PEMT: variants seen among roughly 807,000 people sequenced by gnomAD.
The protein encoded by PEMT is phosphatidylethanolamine N-methyltransferase.
In PEMT, 23 loss-of-function variants were observed where a neutral mutation model predicts 27.4. The observed-to-expected ratio is 0.84, with a 90% CI of 0.60 to 1.19. The LOEUF (loss-of-function observed/expected upper bound fraction) is 1.19, where lower values mean the gene tolerates loss of function less well. Ranked by LOEUF, PEMT falls within the 50% of genes most tolerant of loss-of-function variation. The probability of loss-of-function intolerance (pLI) is 0.00; values close to 1 mark genes in which losing one functional copy is unlikely to be tolerated. For synonymous variants in PEMT, 137 were observed against 139.1 expected, an observed-to-expected ratio of 0.98 and a Z score of 0.11; for missense variants, 307 against 310.1, an observed-to-expected ratio of 0.99 and a Z score of 0.07.
chr17:17,542,573 G>A (rs572087827), intron 2 of PEMT, among the ~76,000 whole-genome samples: 1 of 152,304 alleles, frequency 6.6e-6, no homozygotes, highest in South Asian at 2.1e-4. Flanking sequence ...TTGAGGGCAG[G>A]GCCTTCGTGT....
At chr17:17,581,047 C>T (rs901003293) in intron 1 of PEMT, among the ~76,000 whole-genome samples, 2 of 152,180 alleles carry the variant, frequency 1.3e-5, no homozygotes, top group African/African-American at 4.8e-5. Context: ...GGACACTGAG[C>T]CTGGGGCCAG....
At chr17:17,554,875 C>T (rs373532431) in intron 2 of PEMT, among the ~76,000 whole-genome samples, 101 of 152,234 alleles carry the variant, frequency 6.6e-4, no homozygotes, top group African/African-American at 2.3e-3. Context: ...CTCGGCCTCC[C>T]AAAGTGCTAG....
chr17:17,518,709 T>C (rs1907039913), intron 3 of PEMT, among the ~76,000 whole-genome samples: 2 of 152,106 alleles, frequency 1.3e-5, no homozygotes, highest in Admixed American at 6.6e-5. Context: ...ACCAACCGAC[T>C]CCTGCTGGGT....
chr17:17,531,712 T>C (rs894887180), intron 2 of PEMT, among the ~76,000 whole-genome samples: 1 of 133,684 alleles, frequency 7.5e-6, no homozygotes, highest in African/African-American at 2.7e-5. Flanking sequence ...AATAGAAATA[T>C]AAACCTAAAT....
chr17:17,590,044 C>G (rs1433400280), intron 1 of PEMT, among the ~76,000 whole-genome samples: 1 of 150,020 alleles, frequency 6.7e-6, no homozygotes, highest in African/African-American at 2.5e-5. Context: ...CATTCTGCCC[C>G]CCCTTCTACA....
At chr17:17,522,451 G>T (rs1555538049) in intron 2 of PEMT, 56 bp from the exon 3 acceptor site, 15 of 1,068,354 alleles carry the variant, frequency 1.4e-5, no homozygotes, top group South Asian at 1.3e-4. Context: ...CTCCAGGGTG[G>T]GGGTGGGGAG....
At chr17:17,573,600 T>C (rs12939945) in intron 2 of PEMT, among the ~76,000 whole-genome samples, 67,935 of 151,896 alleles carry the variant, frequency 0.45, 15,750 homozygotes, top group Middle Eastern at 0.52. Context: ...ATGTAAAGTA[T>C]ATGGGAGGGT....
At chr17:17,589,163 T>A (rs541172367) in intron 1 of PEMT, among the ~76,000 whole-genome samples, 1 of 152,210 alleles carries the variant, frequency 6.6e-6, no homozygotes, top group Non-Finnish European at 1.5e-5. Flanking sequence ...GATTTCTCCA[T>A]GTTGGTCAGG....
At position 17,513,982 on chromosome 17, in the gene PEMT, C is replaced by T. The variant is rs547900181; in HGVS notation, c.321-1328G>A. 6.6e-6 allele frequency among the ~76,000 whole-genome samples: 1 copy of T among 152,162 alleles called. No homozygotes were observed. Among genetic ancestry groups the T allele is most frequent in the Non-Finnish European group, 1.5e-5 (1 of 68,020 alleles). On this transcript the variant is annotated intron_variant, in intron 3 of 6. Transcript: ENST00000255389. This position sits in a 1 kb window ranked among gnomAD's most constrained non-coding sequence, Gnocchi z 4.1. ...AGCAGGGCCAGCTTACCATCCACCC[C>T]ACCACCCATCCTTCCTCCATCCATC...
chr17:17,542,107 A>G (rs981191717), intron 2 of PEMT, among the ~76,000 whole-genome samples: 5 of 152,076 alleles, frequency 3.3e-5, no homozygotes, highest in Non-Finnish European at 7.4e-5. Flanking sequence ...CAGCCTCCCA[A>G]GTAGCTGGGA....
chr17:17,550,380 G>A (rs901463283), intron 2 of PEMT, among the ~76,000 whole-genome samples: 5 of 152,202 alleles, frequency 3.3e-5, no homozygotes, highest in African/African-American at 1.2e-4. Flanking sequence ...CTTTGCAGAT[G>A]CACAGCTGGG....
chr17:17,562,466 T>A (rs1250646218), intron 2 of PEMT, among the ~76,000 whole-genome samples: 1 of 152,080 alleles, frequency 6.6e-6, no homozygotes, highest in African/African-American at 2.4e-5. Context: ...ACAGCTGCAC[T>A]CCCTTGATCC....
intron 1 of PEMT, among the ~76,000 whole-genome samples, chr17:17,591,099 T>A (rs973323545): frequency 1.3e-5 from 2 of 152,102 alleles, no homozygotes; most frequent in African/African-American, 4.8e-5. Context: ...CCCAAACATA[T>A]AATCGGCCTC....
chr17:17,556,349 C>T (rs1283750094), intron 2 of PEMT, among the ~76,000 whole-genome samples: 1 of 151,592 alleles, frequency 6.6e-6, no homozygotes, highest in African/African-American at 2.4e-5. Flanking sequence ...GGGAGCCTTC[C>T]TTCCTTCCTT....
chr17:17,510,588 G>A (rs1193253346), intron 4 of PEMT, among the ~76,000 whole-genome samples: 3 of 152,198 alleles, frequency 2.0e-5, no homozygotes, highest in South Asian at 2.1e-4. Context: ...CAGGGTGTGC[G>A]TAGATGGCAC....
Position 17,579,960 on chromosome 17 carries a change from C to T in PEMT, c.97-2933G>A, listed in dbSNP as rs143904201. Among the ~76,000 whole-genome samples, 810 of 152,320 alleles carry T rather than the reference C, an allele frequency of 5.3e-3. 5 individuals are homozygous for T. Among genetic ancestry groups the T allele is most frequent in the Non-Finnish European group, 7.0e-3 (477 of 68,024 alleles). On this transcript the variant is annotated intron_variant, in intron 1 of 6. Transcript: ENST00000255389. ...AGCGCCTGCAGCCAACAAGGCCTGGCGCTCCAGCAGGTGCCTCCCAACGCC... is the reference window on the plus strand; with the variant it reads ...AGCGCCTGCAGCCAACAAGGCCTGGTGCTCCAGCAGGTGCCTCCCAACGCC...
Position 17,518,696 on chromosome 17 carries a change from C to A in PEMT, c.320+3584G>T, listed in dbSNP as rs530236803. 4.6e-5 allele frequency among the ~76,000 whole-genome samples: 7 copies of A among 152,324 alleles called. No homozygotes were observed. The South Asian group carries it at 1.2e-3, about 27-fold the overall frequency. On this transcript the variant is annotated intron_variant, in intron 3 of 6. Transcript: ENST00000255389. ...CTCAAGCACGTGCCTGTGTTCTCTG[C>A]CCACCAACCGACTCCTGCTGGGTGC...
upstream of PEMT, chr17:17,592,050 C>T: frequency 1.0e-6 from 1 of 985,444 alleles, no homozygotes. Flanking sequence ...TCCCGCGCAG[C>T]CTCCTGCGGA....
intron 2 of PEMT, among the ~76,000 whole-genome samples, chr17:17,550,870 G>A (rs192956752): frequency 3.9e-5 from 6 of 152,306 alleles, no homozygotes; most frequent in Middle Eastern, 3.4e-3. Context: ...CCACGGAGTC[G>A]TGAGAGCACA....
Sources: allele counts gnomAD v4.1 joint callset (sites outside exome capture counted in the v4.1 genomes callset), GRCh38; gene constraint gnomAD v4.1.1; non-coding constraint Gnocchi (gnomAD v3.1); transcripts MANE v1.5; gene names NCBI Gene and HGNC (gene_info 2026-07-23, HGNC 2026-07-21).